TASP1: variants seen among roughly 807,000 people sequenced by gnomAD.
TASP1 encodes the protein threonine aspartase 1.
Under a neutral mutation model 56.6 loss-of-function variants are expected in TASP1, and 16 were observed. The observed-to-expected ratio is 0.28, with a 90% confidence interval of 0.19 to 0.43. The LOEUF (loss-of-function observed/expected upper bound fraction) is 0.43. Among genes scored for constraint, TASP1 ranks in the 20% least tolerant of loss-of-function variants. TASP1 has a pLI of 1.00. For missense variants in TASP1, 393 were observed against 511.6 expected (o/e 0.77, Z 2.24); for synonymous variants, 179 against 184.2 (o/e 0.97, Z 0.23).
At chr20:13,428,099 C>A (rs1469034408) in intron 12 of TASP1, among the ~76,000 whole-genome samples, 1 of 152,134 alleles carries the variant, frequency 6.6e-6, no homozygotes, top group African/African-American at 2.4e-5. Flanking sequence ...AGCCCATATG[C>A]CTCCTATCCT....
At chr20:13,494,956 A>C (rs1032821532) in intron 10 of TASP1, among the ~76,000 whole-genome samples, 2 of 151,958 alleles carry the variant, frequency 1.3e-5, no homozygotes, top group Non-Finnish European at 2.9e-5. Flanking sequence ...GAGCCAGAAA[A>C]AAAAAACCAA....
chr20:13,286,078 T>G, the TASP1 span, among the ~76,000 whole-genome samples: 1 of 152,208 alleles, frequency 6.6e-6, no homozygotes, highest in Admixed American at 6.5e-5. Flanking sequence ...GACTTACTCA[T>G]TCCCCCTTTT....
chr20:13,388,717 TCTCA>T (rs2041182380), downstream of TASP1, among the ~76,000 whole-genome samples: 1 of 152,120 alleles, frequency 6.6e-6, no homozygotes, highest in African/African-American at 2.4e-5. Context: ...CCAGCCCATC[TCTCA>T]CTAAGTTCTC....
the TASP1 span, among the ~76,000 whole-genome samples, chr20:13,282,299 T>C: frequency 4.6e-5 from 7 of 152,164 alleles, no homozygotes; most frequent in African/African-American, 1.7e-4. Context: ...ATCTCCTGAA[T>C]GAGAAGGTCT....
intron 4 of TASP1, among the ~76,000 whole-genome samples, chr20:13,610,273 CA>C: frequency 6.6e-6 from 1 of 152,302 alleles, no homozygotes; most frequent in Non-Finnish European, 1.5e-5. Context: ...AATTTCACTT[CA>C]ATTTAAAAAG....
At chr20:13,613,356 T>C (rs530466920) in intron 4 of TASP1, among the ~76,000 whole-genome samples, 3 of 152,198 alleles carry the variant, frequency 2.0e-5, no homozygotes, top group Non-Finnish European at 4.4e-5. Flanking sequence ...GCTTAAAATA[T>C]TTCCAGGGAA....
At chr20:13,212,304 A>G in the TASP1 span, among the ~76,000 whole-genome samples, 2 of 152,166 alleles carry the variant, frequency 1.3e-5, no homozygotes, top group African/African-American at 4.8e-5. Context: ...CCCCTCATCA[A>G]AGGAAGACTG....
At chr20:13,251,328 G>C in the TASP1 span, among the ~76,000 whole-genome samples, 2 of 152,244 alleles carry the variant, frequency 1.3e-5, no homozygotes, top group Admixed American at 6.5e-5. Context: ...TATGGAGACT[G>C]TCAGTTCTTA....
the TASP1 span, among the ~76,000 whole-genome samples, chr20:13,238,476 C>T: frequency 6.6e-6 from 1 of 152,130 alleles, no homozygotes; most frequent in South Asian, 2.1e-4. Context: ...AAATTAAACT[C>T]CTGGATCGAT....
chr20:13,525,261 T>C (rs190773125), intron 10 of TASP1, among the ~76,000 whole-genome samples: 176 of 152,280 alleles, frequency 1.2e-3, no homozygotes, highest in Non-Finnish European at 2.0e-3. Flanking sequence ...TAATGGTAGA[T>C]ATTATTCTGG....
the TASP1 span, among the ~76,000 whole-genome samples, chr20:13,347,641 C>G: frequency 1.3e-4 from 20 of 152,188 alleles, no homozygotes; most frequent in Admixed American, 1.2e-3. Context: ...GAGTTCGAGA[C>G]CAGCCTGGCC....
chr20:13,457,137 G>A (rs2043872709), intron 11 of TASP1, among the ~76,000 whole-genome samples: 1 of 152,066 alleles, frequency 6.6e-6, no homozygotes, highest in Non-Finnish European at 1.5e-5. Flanking sequence ...GGGGGACTGG[G>A]GGAGGGATAG....
intron 10 of TASP1, among the ~76,000 whole-genome samples, chr20:13,499,170 G>A (rs1194960494): frequency 2.6e-5 from 4 of 152,134 alleles, no homozygotes; most frequent in African/African-American, 7.2e-5. Flanking sequence ...CAACATAAAT[G>A]TAGGTGGAAG....
chr20:13,489,276 T>C (rs2043434938), intron 10 of TASP1, among the ~76,000 whole-genome samples: 2 of 152,096 alleles, frequency 1.3e-5, no homozygotes, highest in Admixed American at 6.6e-5. Context: ...GTGACAAATA[T>C]CATTACCATT....
intron 13 of TASP1, among the ~76,000 whole-genome samples, chr20:13,416,241 C>T (rs992312503): frequency 6.6e-6 from 1 of 152,058 alleles, no homozygotes; most frequent in Admixed American, 6.6e-5. Context: ...TGTTCTAAAC[C>T]CTTAAATCAC....
chr20:13,115,627 G>A, the TASP1 span, among the ~76,000 whole-genome samples: 197 of 152,236 alleles, frequency 1.3e-3, no homozygotes, highest in African/African-American at 4.4e-3. Flanking sequence ...TATTATGTAT[G>A]ACATCCAGCA....
downstream of TASP1, among the ~76,000 whole-genome samples, chr20:13,388,795 CA>C (rs2123543903): frequency 6.6e-6 from 1 of 152,338 alleles, no homozygotes; most frequent in South Asian, 2.1e-4. Context: ...CACAGCAAGA[CA>C]AATGTAATTG....
chr20:13,495,073 C>T (rs929026297), intron 10 of TASP1, among the ~76,000 whole-genome samples: 1 of 151,964 alleles, frequency 6.6e-6, no homozygotes. Context: ...ACAGAAAGAA[C>T]ATAAGCAAGA....
chr20:13,585,466 G>A (rs1019755074), intron 5 of TASP1, among the ~76,000 whole-genome samples: 1 of 152,128 alleles, frequency 6.6e-6, no homozygotes, highest in Non-Finnish European at 1.5e-5. Context: ...GGATTTGTAT[G>A]TAAAATATTT....
Sources: allele counts gnomAD v4.1 joint callset (sites outside exome capture counted in the v4.1 genomes callset), GRCh38; gene constraint gnomAD v4.1.1; transcripts MANE v1.5; gene names NCBI Gene and HGNC (gene_info 2026-07-23, HGNC 2026-07-21).